ZSCAN25: variants seen among roughly 807,000 people sequenced by gnomAD.
The protein encoded by ZSCAN25 is zinc finger and SCAN domain-containing protein 25.
Under a neutral mutation model 38.7 loss-of-function variants are expected in ZSCAN25, and 27 were observed. The ratio of observed to expected loss-of-function variants is 0.70; its 90% CI spans 0.51 to 0.96. The LOEUF (loss-of-function observed/expected upper bound fraction) is 0.96, where lower values mean the gene tolerates loss of function less well. Ranked by LOEUF, ZSCAN25 falls within the 40% of genes least tolerant of loss-of-function variation. The probability of loss-of-function intolerance (pLI) is 0.00; values close to 1 mark genes in which losing one functional copy is unlikely to be tolerated. For missense variants in ZSCAN25, 637 were observed against 705.9 expected (o/e 0.90, Z 1.11); for synonymous variants, 273 against 277.7 (o/e 0.98, Z 0.17).
At chr7:99,651,192 G>A in the ZSCAN25 span, among the ~76,000 whole-genome samples, 2 of 152,134 alleles carry the variant, frequency 1.3e-5, no homozygotes, top group African/African-American at 4.8e-5. Flanking sequence ...GGAGATGCAC[G>A]AAAACTATTC....
chr7:99,640,105 CA>C, the ZSCAN25 span, among the ~76,000 whole-genome samples: 1 of 152,186 alleles, frequency 6.6e-6, no homozygotes, highest in Non-Finnish European at 1.5e-5. Flanking sequence ...GCATCTCATA[CA>C]TCACACACTA....
At position 99,621,399 on chromosome 7, in the gene ZSCAN25, G is replaced by T; in HGVS notation, c.414G>T (p.Gln138His). 1 of 1,476,682 alleles carries T rather than the reference G, an allele frequency of 6.8e-7. No individual in the cohort carries two copies. Among genetic ancestry groups the T allele is most frequent in the South Asian group, 1.4e-5 (1 of 70,684 alleles). The allele number at this position is 1,476,682 out of a possible 1,614,324, so 91.5% of individuals were successfully genotyped here. The change falls in exon 5 of 8, where the codon CAG becomes CAT. Residue 138 changes from glutamine (Q) to histidine (H), a missense_variant. By Grantham distance (24) the Gln-to-His change is conservative. Transcript: ENST00000394152. ...TTCCATGCCACAGGCAGGGAGAGCA[G>T]GAGGAAACAGCACTTTGCAGAGGCG... ...KAVPCHRQGE[Q>H]EETALCRGAW... is the part of the protein sequence containing the mutation.
chr7:99,717,458 T>TA, the ZSCAN25 span: 1 of 1,600,566 alleles, frequency 6.2e-7, no homozygotes, highest in Non-Finnish European at 8.5e-7. Flanking sequence ...ACTCTGATCT[T>TA]ACTTTCTACC....
At chr7:99,674,229 A>G in the ZSCAN25 span, 1 of 240,084 alleles carries the variant, frequency 4.2e-6, no homozygotes, top group Admixed American at 5.6e-5. Flanking sequence ...CACCCTTGTT[A>G]TTGATCTTTG....
the ZSCAN25 span, chr7:99,662,770 C>A: frequency 6.4e-7 from 1 of 1,562,842 alleles, no homozygotes; most frequent in South Asian, 1.1e-5. The surrounding 1 kb of genome is among the most constrained non-coding windows in gnomAD (Gnocchi z 4.3). Context: ...AAGGCCCTCC[C>A]TCTTAGTGTC....
At chr7:99,618,816 C>G (rs747842696) in intron 2 of ZSCAN25, among the ~76,000 whole-genome samples, 165 bp downstream of exon 2, 1 of 152,196 alleles carries the variant, frequency 6.6e-6, no homozygotes, top group Non-Finnish European at 1.5e-5. Flanking sequence ...CTGTCTGCCT[C>G]TGCCACCTCT....
At chr7:99,737,402 C>T in the ZSCAN25 span, among the ~76,000 whole-genome samples, 2 of 152,174 alleles carry the variant, frequency 1.3e-5, no homozygotes, top group African/African-American at 4.8e-5. Context: ...GTGGCACCCC[C>T]TGGGTTTTCT....
At chr7:99,703,825 G>A in the ZSCAN25 span, among the ~76,000 whole-genome samples, 2 of 151,812 alleles carry the variant, frequency 1.3e-5, no homozygotes, top group Admixed American at 6.6e-5. Context: ...GCTCTTGTAG[G>A]CCACACCTCT....
chr7:99,620,829 T>G (rs1372002148), intron 4 of ZSCAN25: 1 of 152,336 alleles, frequency 6.6e-6, no homozygotes, highest in African/African-American at 2.4e-5. Context: ...CAATCCTAGC[T>G]TACTGCAGCC....
the ZSCAN25 span, among the ~76,000 whole-genome samples, chr7:99,699,754 C>G: frequency 6.6e-6 from 1 of 152,162 alleles, no homozygotes; most frequent in Non-Finnish European, 1.5e-5. Context: ...CTCCTAGTCA[C>G]CAAAATTAGA....
the ZSCAN25 span, among the ~76,000 whole-genome samples, chr7:99,646,539 A>G: frequency 6.6e-6 from 1 of 152,224 alleles, no homozygotes; most frequent in African/African-American, 2.4e-5. Context: ...ATATGGAAAT[A>G]TCATTTAGAA....
At chr7:99,717,420 A>T in the ZSCAN25 span, 2 of 1,583,142 alleles carry the variant, frequency 1.3e-6, no homozygotes, top group Non-Finnish European at 1.7e-6. Context: ...AGGAAGCTCA[A>T]ATTCAGCAGA....
chr7:99,695,864 T>C, the ZSCAN25 span: 2 of 1,603,982 alleles, frequency 1.2e-6, no homozygotes, highest in African/African-American at 2.7e-5. Flanking sequence ...AGAAATCAGG[T>C]CTCAGGGATT....
the ZSCAN25 span, chr7:99,647,640 G>A: frequency 1.0e-6 from 1 of 985,410 alleles, no homozygotes; most frequent in Non-Finnish European, 1.2e-6. Context: ...GTTCTTCAAA[G>A]AAGGCAGAAT....
At chr7:99,664,035 T>C in the ZSCAN25 span, 1 of 1,601,686 alleles carries the variant, frequency 6.2e-7, no homozygotes, top group Middle Eastern at 1.7e-4. Context: ...ATTTATGGTA[T>C]CTTTTGGAAA....
At chr7:99,707,731 G>A in the ZSCAN25 span, 2 of 1,576,046 alleles carry the variant, frequency 1.3e-6, no homozygotes, top group East Asian at 2.4e-5. Context: ...GATTAAGTGA[G>A]TGTATTCTTT....
At chr7:99,621,058 T>G (rs946336032) in intron 4 of ZSCAN25, 8 of 200,566 alleles carry the variant, frequency 4.0e-5, no homozygotes, top group Admixed American at 6.0e-5. Context: ...CAATTAGGAA[T>G]TTTTTTTTCT....
intron 2 of ZSCAN25, 59 bp downstream of exon 2, chr7:99,618,710 A>G (rs1329980247): frequency 2.6e-5 from 4 of 152,182 alleles, no homozygotes; most frequent in African/African-American, 7.2e-5. Flanking sequence ...CACAGGCAGA[A>G]TGACTTTTAT....
At chr7:99,707,529 C>A in the ZSCAN25 span, among the ~76,000 whole-genome samples, 3 of 152,310 alleles carry the variant, frequency 2.0e-5, no homozygotes, top group Non-Finnish European at 4.4e-5. Context: ...CCCCATCTTT[C>A]CAATTGACTT....
Sources: allele counts gnomAD v4.1 joint callset (sites outside exome capture counted in the v4.1 genomes callset), GRCh38; gene constraint gnomAD v4.1.1; non-coding constraint Gnocchi (gnomAD v3.1); transcripts MANE v1.5; gene names NCBI Gene and HGNC (gene_info 2026-07-23, HGNC 2026-07-21).